Variants in FSTL4 observed in about 807,000 individuals in gnomAD.
FSTL4 encodes the protein follistatin-related protein 4.
FSTL4 carries 28 observed loss-of-function variants against 78.2 expected under a neutral mutation model. The ratio of observed to expected loss-of-function variants is 0.36; its 90% CI spans 0.27 to 0.49. The LOEUF is 0.49. FSTL4 is among the 20% of genes least tolerant of loss of function. FSTL4 has a pLI of 0.98. For missense variants in FSTL4, 922 were observed against 1,084.9 expected, an observed-to-expected ratio of 0.85 and a Z score of 2.11; for synonymous variants, 422 against 440.5, an observed-to-expected ratio of 0.96 and a Z score of 0.53.
chr5:133,438,873 G>A (rs1757091546), intron 3 of FSTL4, among the ~76,000 whole-genome samples: 1 of 152,240 alleles, frequency 6.6e-6, no homozygotes, highest in Non-Finnish European at 1.5e-5. Flanking sequence ...ATGGGGTTAT[G>A]TGAGAAACAA....
At chr5:133,257,163 G>A (rs1752399879) in intron 6 of FSTL4, among the ~76,000 whole-genome samples, 1 of 152,228 alleles carries the variant, frequency 6.6e-6, no homozygotes, top group Admixed American at 6.5e-5. Context: ...CCAGGAGCCA[G>A]GATACAGTGG....
At chr5:133,542,763 CA>C (rs1257892312) in intron 3 of FSTL4, among the ~76,000 whole-genome samples, 2 of 152,032 alleles carry the variant, frequency 1.3e-5, no homozygotes, top group African/African-American at 4.8e-5. Context: ...TTGATTTCTG[CA>C]GCTTTAATTA....
intron 3 of FSTL4, among the ~76,000 whole-genome samples, chr5:133,504,046 C>T (rs1346778758): frequency 6.6e-6 from 1 of 152,110 alleles, no homozygotes; most frequent in Non-Finnish European, 1.5e-5. Context: ...TGAGAACTTA[C>T]TATCACAAGA....
At chr5:133,583,267 C>A (rs953541957) in intron 2 of FSTL4, 26 of 455,900 alleles carry the variant, frequency 5.7e-5, no homozygotes, top group African/African-American at 5.2e-4. Context: ...AATCTTACCT[C>A]CTCCTTAAGA....
At chr5:133,359,336 C>T (rs984881878) in intron 4 of FSTL4, among the ~76,000 whole-genome samples, 2 of 152,178 alleles carry the variant, frequency 1.3e-5, no homozygotes, top group Admixed American at 6.5e-5. Flanking sequence ...CTGGTTTATT[C>T]GCAGTGTGAA....
At chr5:133,322,920 A>G (rs1754107881) in intron 4 of FSTL4, among the ~76,000 whole-genome samples, 2 of 152,170 alleles carry the variant, frequency 1.3e-5, no homozygotes, top group Admixed American at 6.5e-5. Context: ...TGTCCCCTTA[A>G]TGGGATTACA....
chr5:133,564,037 T>G (rs1412209020), intron 3 of FSTL4, among the ~76,000 whole-genome samples: 6 of 152,174 alleles, frequency 3.9e-5, no homozygotes, highest in Non-Finnish European at 7.3e-5. Flanking sequence ...GGCTATGCTC[T>G]CTCTGAAGGT....
chr5:133,732,781 C>G, the FSTL4 span, among the ~76,000 whole-genome samples: 3 of 152,320 alleles, frequency 2.0e-5, no homozygotes, highest in Admixed American at 6.5e-5. Flanking sequence ...GCCCACAGTG[C>G]AGGGGTCCCC....
intron 3 of FSTL4, among the ~76,000 whole-genome samples, chr5:133,532,136 G>A (rs1478687510): frequency 6.6e-6 from 1 of 152,232 alleles, no homozygotes; most frequent in Non-Finnish European, 1.5e-5. Flanking sequence ...CGGAGAAGGA[G>A]ACATGATGAC....
At chr5:133,310,217 T>C (rs957298866) in intron 6 of FSTL4, among the ~76,000 whole-genome samples, 9 of 152,198 alleles carry the variant, frequency 5.9e-5, no homozygotes, top group African/African-American at 2.2e-4. Flanking sequence ...TTATTGCATA[T>C]CTATTATTTG....
Position 133,221,891 on chromosome 5 carries a change from GTTTTT to G in FSTL4, c.1340-1030_1340-1026del, listed in dbSNP as rs59400068. Among the ~76,000 whole-genome samples, 23 of 43,350 alleles carry G rather than the reference GTTTTT, an allele frequency of 5.3e-4. No homozygotes were observed. In the South Asian group the frequency reaches 5.7e-3, roughly 11 times the overall value. The allele number at this position is 43,350 out of a possible 152,430, so 28.4% of individuals were successfully genotyped here. On this transcript the variant is annotated intron_variant, in intron 11 of 15. Coordinates refer to ENST00000265342, the MANE Select transcript of FSTL4 (RefSeq NM_015082.2). ...AATATGTAGAAAAATCTCTTTTCTA[GTTTTT>G]TTTTTTTTTTTTTTTTTTTTTTTTT...
the FSTL4 span, among the ~76,000 whole-genome samples, chr5:133,764,121 C>T: frequency 2.0e-5 from 3 of 152,248 alleles, no homozygotes; most frequent in Non-Finnish European, 4.4e-5. Flanking sequence ...CTTTACTTTG[C>T]TTATTGCTTT....
intron 3 of FSTL4, among the ~76,000 whole-genome samples, chr5:133,512,484 G>A (rs779578213): frequency 6.6e-6 from 1 of 152,190 alleles, no homozygotes; most frequent in Non-Finnish European, 1.5e-5. Context: ...TTTTTAACAA[G>A]AGATTTGACA....
the FSTL4 span, among the ~76,000 whole-genome samples, chr5:133,631,280 A>G: frequency 6.6e-6 from 1 of 151,110 alleles, no homozygotes; most frequent in Non-Finnish European, 1.5e-5. Context: ...AGAATCTACA[A>G]GGAACTTAAA....
the FSTL4 span, among the ~76,000 whole-genome samples, chr5:133,622,801 T>C: frequency 6.6e-6 from 1 of 152,202 alleles, no homozygotes; most frequent in Non-Finnish European, 1.5e-5. Context: ...ACATTCAAGA[T>C]GCTAGTTCTT....
intron 3 of FSTL4, among the ~76,000 whole-genome samples, chr5:133,481,820 C>A (rs1030269224): frequency 9.2e-5 from 14 of 152,288 alleles, no homozygotes; most frequent in African/African-American, 3.4e-4. Flanking sequence ...AGGTCTGCTG[C>A]TGGGACAGCA....
chr5:133,247,891 C>G (rs922493637), intron 7 of FSTL4: 2 of 152,396 alleles, frequency 1.3e-5, no homozygotes, highest in African/African-American at 4.8e-5. Context: ...ATCTGCTTCC[C>G]CCATGACCCC....
At chr5:133,340,522 A>G (rs1308028562) in intron 4 of FSTL4, among the ~76,000 whole-genome samples, 1 of 152,178 alleles carries the variant, frequency 6.6e-6, no homozygotes, top group Non-Finnish European at 1.5e-5. Context: ...AAAATGTTGT[A>G]ATAACCATTA....
chr5:133,733,894 G>A, the FSTL4 span, among the ~76,000 whole-genome samples: 1 of 152,182 alleles, frequency 6.6e-6, no homozygotes, highest in Non-Finnish European at 1.5e-5. Flanking sequence ...CCACTCCCAT[G>A]GCTGGAGCAT....
Sources: allele counts gnomAD v4.1 joint callset (sites outside exome capture counted in the v4.1 genomes callset), GRCh38; gene constraint gnomAD v4.1.1; transcripts MANE v1.5; gene names NCBI Gene and HGNC (gene_info 2026-07-23, HGNC 2026-07-21).